Variants in NISCH observed in about 807,000 individuals in gnomAD.
NISCH encodes nischarin, also known as I-1 receptor candidate protein.
Under a neutral mutation model 138.4 loss-of-function variants are expected in NISCH, and 55 were observed. The ratio of observed to expected loss-of-function variants is 0.40; its 90% CI spans 0.32 to 0.50. The LOEUF (loss-of-function observed/expected upper bound fraction) is 0.50. Ranked by LOEUF, NISCH falls within the 20% of genes least tolerant of loss-of-function variation. NISCH has a pLI of 0.71. For synonymous variants in NISCH, 860 were observed against 861.5 expected, an observed-to-expected ratio of 1.00 and a Z score of 0.03; for missense variants, 1,643 against 2,005.5, an observed-to-expected ratio of 0.82 and a Z score of 3.45.
intron 3 of NISCH, among the ~76,000 whole-genome samples, chr3:52,467,868 CT>C (rs1396593328): frequency 6.6e-6 from 1 of 152,174 alleles, no homozygotes; most frequent in African/African-American, 2.4e-5. Context: ...TCAAGTGATC[CT>C]TCTGCCTCAG....
Position 52,455,749 on chromosome 3 carries a change from C to T in NISCH, c.93+15C>T, listed in dbSNP as rs765934870. ...ACACTTATACGGTGTGTTGGGGGCGCGGGCACCCGAAGCGGGGGTGGTGGC... is the reference window on the plus strand; with the variant it reads ...ACACTTATACGGTGTGTTGGGGGCGTGGGCACCCGAAGCGGGGGTGGTGGC... On this transcript the variant is annotated intron_variant, in intron 1 of 20. Transcript: ENST00000345716. 16 of 1,342,220 alleles carry T rather than the reference C, an allele frequency of 1.2e-5. No homozygotes were observed. The highest frequency in any genetic ancestry group is 1.4e-5 in the Non-Finnish European group (15 of 1,036,294). The allele number at this position is 1,342,220 out of a possible 1,614,324, so 83.1% of individuals were successfully genotyped here.
chr3:52,460,804 C>T (rs760164751), intron 3 of NISCH, among the ~76,000 whole-genome samples: 1 of 152,194 alleles, frequency 6.6e-6, no homozygotes, highest in Non-Finnish European at 1.5e-5. Flanking sequence ...GTAGTTTTCT[C>T]TGAGTGATAG....
rs372919908 is a variant in NISCH at position 52,457,280 on chromosome 3, A to G, written c.94-563A>G. 3.6e-4 allele frequency among the ~76,000 whole-genome samples: 55 copies of G among 151,518 alleles called. 1 individual carries two copies. Among genetic ancestry groups the G allele is most frequent in the African/African-American group, 1.3e-3 (54 of 41,298 alleles). On this transcript the variant is annotated intron_variant, in intron 1 of 20. Transcript: ENST00000345716. ...CTCCTGATAGAGCTTAGTTGCTACC[A>G]CTCCCTCCCCACATCAGCTGCTTGT...
intron 3 of NISCH, among the ~76,000 whole-genome samples, chr3:52,464,976 A>G (rs998531743): frequency 6.6e-6 from 1 of 151,554 alleles, no homozygotes; most frequent in Non-Finnish European, 1.5e-5. Context: ...CCATCTTTTC[A>G]TTTTCTTGAT....
chr3:52,477,694 C>G (rs747719129), intron 9 of NISCH, 52 bp downstream of exon 9: 5 of 1,485,010 alleles, frequency 3.4e-6, no homozygotes, highest in African/African-American at 1.4e-5. Context: ...AGGCCCCGCC[C>G]TGAGATTTCA....
At chr3:52,480,825 A>G in intron 13 of NISCH, 4 of 1,520,894 alleles carry the variant, frequency 2.6e-6, no homozygotes, top group Non-Finnish European at 3.5e-6. Flanking sequence ...GACCAGGCCC[A>G]TTCGTCTGCC....
At chr3:52,474,552 T>C (rs369033904) in intron 7 of NISCH, among the ~76,000 whole-genome samples, 1 of 152,140 alleles carries the variant, frequency 6.6e-6, no homozygotes, top group African/African-American at 2.4e-5. Flanking sequence ...CGCCTCGGCC[T>C]CCCAAAGTGC....
chr3:52,477,968 A>G (rs774035853), intron 9 of NISCH, 129 bp from the exon 10 acceptor site: 32 of 967,028 alleles, frequency 3.3e-5, no homozygotes, highest in Non-Finnish European at 4.9e-5. Context: ...CCCTTCCTAA[A>G]ATAACTGTCA....
Position 52,490,735 on chromosome 3 carries a change from A to T in NISCH, c.3644A>T (p.Asn1215Ile), listed in dbSNP as rs1278034200. 1.9e-6 allele frequency: 3 copies of T among 1,614,046 alleles called. No homozygotes were observed. The highest frequency in any genetic ancestry group is 2.2e-5 in the East Asian group (1 of 44,894). ...DFWHQKNTDY[N>I]NSPFHISQCF... ...TGGCATCAGAAAAACACCGACTACA[A>T]CAACAGCCCTTTCCACATCTCCCAG... The change falls in exon 19 of 21, where the codon AAC (asparagine) becomes ATC (isoleucine). Residue 1215 changes from asparagine to isoleucine, a missense_variant. Transcript: ENST00000345716.
chr3:52,484,462 TC>T, intron 13 of NISCH, 50 bp from the exon 14 acceptor site: 1 of 788,668 alleles, frequency 1.3e-6, no homozygotes, highest in Non-Finnish European at 1.8e-6. Flanking sequence ...ACAGCCGCTC[TC>T]CCCGCCCCAC....
In NISCH at chr3:52,487,565, A is replaced by G. The variant is rs756789102; in HGVS notation, c.2073A>G (p.Glu691=). ...EEAEEERLAL[E]WALGADEDFL... is the part of the protein sequence containing the mutation. ...CCGAGGAGGAGCGCCTGGCTCTGGAATGGGCCCTGGGCGCGGACGAGGACT... is the reference window on the plus strand; with the variant it reads ...CCGAGGAGGAGCGCCTGGCTCTGGAGTGGGCCCTGGGCGCGGACGAGGACT... The change falls in exon 16 of 21, where the codon GAA becomes GAG. Residue 691 remains glutamate, a synonymous_variant. Transcript: ENST00000345716. This position sits in a 1 kb window ranked among gnomAD's most constrained non-coding sequence, Gnocchi z 9.1. 1.2e-6 allele frequency: 2 copies of G among 1,612,100 alleles called. No homozygotes were observed. Among genetic ancestry groups the G allele is most frequent in the Non-Finnish European group, 1.7e-6 (2 of 1,178,514 alleles).
chr3:52,471,601 G>T, intron 4 of NISCH: 1 of 596,128 alleles, frequency 1.7e-6, no homozygotes, highest in Non-Finnish European at 3.0e-6. Flanking sequence ...CAGCCCCACA[G>T]CCCTGCCCTC....
At chr3:52,458,605 C>T in intron 2 of NISCH, 57 bp from the exon 3 acceptor site, 1 of 1,490,216 alleles carries the variant, frequency 6.7e-7, no homozygotes, top group Middle Eastern at 1.8e-4. Context: ...TTGCCTTGGT[C>T]TTACATAGGC....
Position 52,489,684 on chromosome 3 carries a change from G to C in NISCH, c.3456+6G>C, listed in dbSNP as rs372020521. The C allele has an allele frequency of 6.2e-7, 1 of 1,608,664 alleles. No individual in the cohort carries two copies. The highest frequency in any genetic ancestry group is 1.3e-5 in the African/African-American group (1 of 75,040). On this transcript the variant is annotated splice_donor_region_variant and intron_variant, in intron 17 of 20. Transcript: ENST00000345716. ...TCCACAGCAGCATTGCTGAGGTAGC[G>C]GCCCGGGTGTGGGTGCCAGCTATGG...
rs1390495662 is a variant in NISCH, at chr3:52,487,970, C to A, written c.2478C>A (p.Gly826=). 4.3e-6 allele frequency: 7 copies of A among 1,611,170 alleles called. No homozygotes were observed. The highest frequency in any genetic ancestry group is 5.9e-6 in the Non-Finnish European group (7 of 1,179,798). The change falls in exon 16 of 21, where the codon GGC becomes GGA. Residue 826 remains glycine, a synonymous_variant. Coordinates refer to ENST00000345716, the MANE Select transcript of NISCH (RefSeq NM_007184.4). This position sits in a 1 kb window ranked among gnomAD's most constrained non-coding sequence, Gnocchi z 9.1. ...TGCTGTGTAGCCCCATCCTCTACGG[C>A]AGCCACACCAGCCTGCAGGAGTTCC... ...MAMLCSPILY[G]SHTSLQEFLR...
rs368842942 is a variant in NISCH at position 52,488,089 on chromosome 3, G to T, written c.2597G>T (p.Arg866Leu). The T allele has an allele frequency of 7.4e-6, 12 of 1,612,838 alleles. No homozygotes were observed. The highest frequency in any genetic ancestry group is 1.0e-5 in the Non-Finnish European group (12 of 1,179,966). The change falls in exon 16 of 21, where the codon CGC (arginine) becomes CTC (leucine). Residue 866 changes from arginine to leucine, a missense_variant. Coordinates refer to ENST00000345716, the MANE Select transcript of NISCH (RefSeq NM_007184.4). ...FPVYLVYSDK[R>L]MVQTAAGDYS... Reference sequence around the variant, plus strand: ...GTCTACCTGGTCTACAGTGACAAGCGCATGGTGCAGACGGCCGCCGGGGAC... The same window carrying T: ...GTCTACCTGGTCTACAGTGACAAGCTCATGGTGCAGACGGCCGCCGGGGAC...
At chr3:52,458,343 GAC>G (rs1045249211) in intron 2 of NISCH, among the ~76,000 whole-genome samples, 1 of 152,174 alleles carries the variant, frequency 6.6e-6, no homozygotes, top group African/African-American at 2.4e-5. Flanking sequence ...CTGTTTTAAA[GAC>G]ACACCGCTGC....
At chr3:52,471,431 C>G in intron 4 of NISCH, 1 of 321,158 alleles carries the variant, frequency 3.1e-6, no homozygotes, top group Non-Finnish European at 5.9e-6. Context: ...CTGCACCACG[C>G]TGGCACCATA....
chr3:52,491,015 G>A (rs568845088), intron 19 of NISCH, among the ~76,000 whole-genome samples, 182 bp downstream of exon 19: 1 of 152,380 alleles, frequency 6.6e-6, no homozygotes, highest in African/African-American at 2.4e-5. Context: ...TCACGCTCCA[G>A]GGCTCAGAGC....
Sources: gnomAD v4.1 joint callset for allele counts (sites outside exome capture counted in the v4.1 genomes callset) on GRCh38, gnomAD v4.1.1 for gene constraint, Gnocchi (gnomAD v3.1) non-coding constraint, MANE v1.5 for transcripts, NCBI Gene and HGNC (gene_info 2026-07-23, HGNC 2026-07-21) for gene names.